The following STARD9 variants were observed in gnomAD, a reference collection of about 807,000 sequenced individuals.
The protein encoded by STARD9 is stAR-related lipid transfer protein 9.
In STARD9, 346 loss-of-function variants were observed where a neutral mutation model predicts 399.8. The observed-to-expected ratio is 0.87, with a 90% CI of 0.79 to 0.95. STARD9 has a LOEUF of 0.95. STARD9 is among the 40% of genes least tolerant of loss of function. STARD9 has a pLI of 0.00. For synonymous variants in STARD9, 2,203 were observed against 2,143.5 expected (o/e 1.03, Z -0.77); for missense variants, 5,832 against 5,667.5 (o/e 1.03, Z -0.93).
chr15:42,679,215 G>A (rs1477542175), intron 20 of STARD9, among the ~76,000 whole-genome samples: 1 of 152,190 alleles, frequency 6.6e-6, no homozygotes, highest in East Asian at 1.9e-4. Flanking sequence ...CATTTCTATA[G>A]TCAGACAAAA....
intron 26 of STARD9, among the ~76,000 whole-genome samples, chr15:42,715,507 C>A (rs1199535956): frequency 6.7e-6 from 1 of 149,244 alleles, no homozygotes; most frequent in African/African-American, 2.6e-5. Flanking sequence ...AGGGTGAGAT[C>A]CTGTCTTTAC....
chr15:42,663,858 A>C lies in STARD9; in HGVS notation c.1117A>C (p.Ser373Arg). Residue 373 changes from serine to arginine, a missense_variant, in exon 13 of 33, where the codon AGC becomes CGC. Physicochemically the swap from Ser to Arg is moderately radical, Grantham distance 110. Around this residue, in one of 2 missense-constraint regions of STARD9, gnomAD observed 5,828 missense variants for 5,651.1 expected, o/e 1.03. Coordinates refer to ENST00000290607, the MANE Select transcript of STARD9 (RefSeq NM_020759.3). ...PAHTSYSETMSTLRYASSAKN... is the reference protein window; with the variant it reads ...PAHTSYSETMRTLRYASSAKN... ...ACACACTAGCTACAGTGAGACCATG[A>C]GCACACTGAGATATGCATCCAGTGC... 3 of 1,537,096 alleles carry C rather than the reference A, an allele frequency of 2.0e-6. No individual in the cohort carries two copies. The highest frequency in any genetic ancestry group is 2.6e-6 in the Non-Finnish European group (3 of 1,146,730).
chr15:42,684,591 GC>G lies in STARD9; in HGVS notation c.3015del (p.Ser1006ValfsTer63). 1 of 1,537,274 alleles carries G rather than the reference GC, an allele frequency of 6.5e-7. No homozygotes were observed. Among genetic ancestry groups the G allele is most frequent in the Non-Finnish European group, 8.7e-7 (1 of 1,146,922 alleles). On this transcript the variant is annotated frameshift_variant, in exon 23 of 33. Transcript: ENST00000290607. LOFTEE classifies it high-confidence loss of function. Reference protein sequence around the residue: ...NLGTHKAAKGASCNSLYPHGP... With the variant: ...NLGTHKAAKGXSCNSLYPHGP... ...TGGGACCCACAAGGCTGCTAAGGGA[GC>G]CAGTTGCAATTCCTTGTATCCTCAT...
chr15:42,639,259 C>T lies in STARD9; in HGVS notation c.559+447C>T, dbSNP rs138677372. Among the ~76,000 whole-genome samples, 690 of 152,254 alleles carry T rather than the reference C, an allele frequency of 4.5e-3. 1 individual carries two copies. The highest frequency in any genetic ancestry group is 5.1e-3 in the Non-Finnish European group (344 of 68,010). Reference sequence around the variant, plus strand: ...GCCCTGGGAGAAGGCTTGATGTTTTCAAGGGGCCAGTGTGGCTAAAGCATG... The same window carrying T: ...GCCCTGGGAGAAGGCTTGATGTTTTTAAGGGGCCAGTGTGGCTAAAGCATG... On this transcript the variant is annotated intron_variant, in intron 7 of 32. Coordinates refer to ENST00000290607, the MANE Select transcript of STARD9 (RefSeq NM_020759.3).
chr15:42,674,630 G>A (rs1287951975), intron 17 of STARD9, 139 bp downstream of exon 17: 3 of 1,212,294 alleles, frequency 2.5e-6, no homozygotes, highest in East Asian at 2.5e-5. Context: ...CTGCTGCTAG[G>A]TTTCAGGTCT....
intron 28 of STARD9, 83 bp downstream of exon 28, chr15:42,717,131 G>A (rs1046187699): frequency 6.8e-7 from 1 of 1,477,690 alleles, no homozygotes; most frequent in Non-Finnish European, 9.1e-7. Context: ...TAGGAAAAAA[G>A]CTGGGCAGAT....
At chr15:42,616,878 G>A (rs1448184992) in intron 3 of STARD9, among the ~76,000 whole-genome samples, 4 of 138,268 alleles carry the variant, frequency 2.9e-5, no homozygotes, top group Non-Finnish European at 4.6e-5. Context: ...GTGACAGAGC[G>A]AGACTTCCTC....
chr15:42,638,623 C>T, intron 6 of STARD9, 77 bp from the exon 7 acceptor site: 1 of 986,620 alleles, frequency 1.0e-6, no homozygotes, highest in Admixed American at 2.3e-5. Context: ...GAACTAAGAC[C>T]TCCTGATTTT....
At chr15:42,667,846 A>G (rs1319643902) in intron 15 of STARD9, among the ~76,000 whole-genome samples, 2 of 152,164 alleles carry the variant, frequency 1.3e-5, no homozygotes, top group South Asian at 2.1e-4. Context: ...TCATCCTTAT[A>G]TGTTATTAAA....
In STARD9 at chr15:42,689,328, C is replaced by T. The variant is rs1212067917; in HGVS notation, c.7750C>T (p.Pro2584Ser). The T allele has an allele frequency of 3.9e-6, 6 of 1,537,242 alleles. No homozygotes were observed. Among genetic ancestry groups the T allele is most frequent in the Non-Finnish European group, 5.2e-6 (6 of 1,146,912 alleles). The change falls in exon 23 of 33, where the codon CCC becomes TCC. Residue 2584 changes from proline to serine, a missense_variant. Pro to Ser is a moderately conservative substitution (Grantham distance 74). This residue lies in a region of STARD9 where 5,828 missense variants were observed against 5,651.1 expected (regional missense o/e 1.03). Transcript: ENST00000290607. ...VLSYCETLLE[P>S]ECSSRVAGRP... The stretch of plus-strand genomic sequence containing the variant: ...TTCTTACTGTGAAACTTTACTAGAA[C>T]CCGAATGTTCTTCAAGGGTTGCTGG...
At chr15:42,639,519 A>T (rs1197551) in intron 7 of STARD9, among the ~76,000 whole-genome samples, 113,953 of 152,012 alleles carry the variant, frequency 0.75, 43,279 homozygotes, top group East Asian at 0.92. Context: ...GTAGCAACAG[A>T]TGGGTTCTTT....
At chr15:42,656,176 C>T (rs62019357) in intron 9 of STARD9, among the ~76,000 whole-genome samples, 11,128 of 151,414 alleles carry the variant, frequency 0.073, 620 homozygotes, top group Non-Finnish European at 0.11. Flanking sequence ...GCCCACATGG[C>T]GAAATGCTGT....
intron 3 of STARD9, among the ~76,000 whole-genome samples, chr15:42,596,301 T>A (rs2058503270): frequency 6.6e-6 from 1 of 152,222 alleles, no homozygotes; most frequent in Non-Finnish European, 1.5e-5. Context: ...TTTCTCTTGC[T>A]TGGATCTGCA....
At chr15:42,643,440 C>G (rs1566898355) in intron 7 of STARD9, among the ~76,000 whole-genome samples, 1 of 152,082 alleles carries the variant, frequency 6.6e-6, no homozygotes, top group African/African-American at 2.4e-5. Flanking sequence ...AGGTGATCCA[C>G]CTGCCTTGGC....
In STARD9 at chr15:42,691,447, A is replaced by C; in HGVS notation, c.9869A>C (p.His3290Pro). ...CAGCCTGCTGCTCAGAGGAGTGGCC[A>C]CCTCTACACTGGCAGAGAGCAGCCA... ...TPQPAAQRSG[H>P]LYTGREQPAP... Residue 3290 changes from histidine (H) to proline (P), a missense_variant, in exon 23 of 33, where the codon CAC (histidine) becomes CCC (proline). Physicochemically the swap from His to Pro is moderately conservative, Grantham distance 77. This residue lies in a region of STARD9 where 5,828 missense variants were observed against 5,651.1 expected (regional missense o/e 1.03). Transcript: ENST00000290607. The C allele has an allele frequency of 6.5e-7, 1 of 1,537,152 alleles. No homozygotes were observed.
At chr15:42,678,112 T>C (rs138565386) in intron 20 of STARD9, among the ~76,000 whole-genome samples, 106 of 152,332 alleles carry the variant, frequency 7.0e-4, no homozygotes, top group Admixed American at 2.4e-3. Context: ...GCCCAGCTAC[T>C]GTAGCCAGCA....
intron 15 of STARD9, among the ~76,000 whole-genome samples, chr15:42,667,359 A>G (rs2060122817): frequency 6.7e-6 from 1 of 148,450 alleles, no homozygotes; most frequent in Non-Finnish European, 1.5e-5. Flanking sequence ...TAATTTTTGT[A>G]TCTTTAGTAG....
chr15:42,598,153 T>TCCTGGGTAGC (rs1566862048), intron 3 of STARD9, among the ~76,000 whole-genome samples: 1 of 151,946 alleles, frequency 6.6e-6, no homozygotes, highest in East Asian at 1.9e-4. Context: ...TGCCTCAGCC[T>TCCTGGGTAGC]CCTGGGTAGC....
At chr15:42,648,254 C>T (rs999239730) in intron 7 of STARD9, among the ~76,000 whole-genome samples, 17 of 152,158 alleles carry the variant, frequency 1.1e-4, no homozygotes, top group African/African-American at 4.1e-4. Flanking sequence ...CCTCCGCCTC[C>T]TGGGTTTGAG....
Sources: gnomAD v4.1 joint callset for allele counts (sites outside exome capture counted in the v4.1 genomes callset) on GRCh38, gnomAD v4.1.1 for gene constraint, gnomAD v4.1.1 regional missense constraint, MANE v1.5 for transcripts, NCBI Gene and HGNC (gene_info 2026-07-23, HGNC 2026-07-21) for gene names.